FANCD2: variants seen among roughly 807,000 people sequenced by gnomAD.
FANCD2 encodes the protein Fanconi anemia group D2 protein.
Under a neutral mutation model 192.3 loss-of-function variants are expected in FANCD2, and 131 were observed. The ratio of observed to expected loss-of-function variants is 0.68; its 90% confidence interval spans 0.59 to 0.79. The LOEUF is 0.79. FANCD2 is among the 30% of genes least tolerant of loss of function. The pLI is 0.00. For missense variants in FANCD2, 1,508 were observed against 1,701.6 expected (o/e 0.89, Z 2.00); for synonymous variants, 524 against 612.5 (o/e 0.86, Z 2.13).
At chr3:10,053,659 G>A (rs1293707298) in intron 18 of FANCD2, among the ~76,000 whole-genome samples, 1 of 150,100 alleles carries the variant, frequency 6.7e-6, no homozygotes, top group African/African-American at 2.4e-5. Flanking sequence ...ATTTCCTAGT[G>A]TGTAGTAGTG....
chr3:10,097,515 A>G (rs1011179408), intron 42 of FANCD2, among the ~76,000 whole-genome samples: 2 of 152,228 alleles, frequency 1.3e-5, no homozygotes, highest in South Asian at 4.1e-4. Flanking sequence ...AGGAAGAGAA[A>G]CATGGTTCTG....
chr3:10,037,182 A>G (rs923180483), intron 7 of FANCD2, among the ~76,000 whole-genome samples: 2 of 152,166 alleles, frequency 1.3e-5, no homozygotes, highest in Non-Finnish European at 2.9e-5. Context: ...AGAAAAGTAG[A>G]CAAAGGTCAT....
intron 32 of FANCD2, among the ~76,000 whole-genome samples, chr3:10,082,659 C>T (rs1693915704): frequency 6.6e-6 from 1 of 152,108 alleles, no homozygotes. Context: ...TCTTCTTGAT[C>T]CCCAGCTTTT....
intron 11 of FANCD2, among the ~76,000 whole-genome samples, 189 bp from the exon 12 acceptor site, chr3:10,042,861 T>G (rs1210989225): frequency 6.6e-6 from 1 of 152,196 alleles, no homozygotes; most frequent in Non-Finnish European, 1.5e-5. Context: ...CTCACAGAAT[T>G]CTGAAATTTT....
At chr3:10,048,164 C>G in intron 16 of FANCD2, 113 bp downstream of exon 16, 1 of 1,371,356 alleles carries the variant, frequency 7.3e-7, no homozygotes, top group Non-Finnish European at 1.0e-6. Context: ...TGACCTGGGT[C>G]TCAAGAAAGC....
In FANCD2 at chr3:10,032,911, T is replaced by A. The variant is rs750534583; in HGVS notation, c.144T>A (p.Phe48Leu). The A allele has an allele frequency of 5.6e-6, 9 of 1,602,526 alleles. No homozygotes were observed. In the East Asian group the frequency reaches 1.8e-4, roughly 32 times the overall value. The change falls in exon 3 of 44, where the codon TTT (phenylalanine) becomes TTA (leucine). Residue 48 changes from phenylalanine (F) to leucine (L), a missense_variant. Transcript: ENST00000675286. ...ANEVEENDSI[F>L]VKLLKISGII... ...AAGTTGAAGAAAATGACAGCATCTT[T>A]GTAAAGCTTCTTAAGATATCAGGAA... is the stretch of plus-strand genomic sequence containing the variant.
intron 36 of FANCD2, among the ~76,000 whole-genome samples, chr3:10,090,075 A>G (rs1444002252): frequency 6.6e-6 from 1 of 152,126 alleles, no homozygotes; most frequent in African/African-American, 2.4e-5. Context: ...ATACTACCAT[A>G]ACACCTCCTT....
In FANCD2 at chr3:10,049,481, G is replaced by A; in HGVS notation, c.1521G>A (p.Met507Ile). The A allele has an allele frequency of 1.9e-6, 3 of 1,601,404 alleles. No individual in the cohort carries two copies. Among genetic ancestry groups the A allele is most frequent in the Non-Finnish European group, 2.6e-6 (3 of 1,170,064 alleles). ...LELVVLNPSA[M>I]MMNAVFVKGI... The stretch of plus-strand genomic sequence containing the variant: ...TGGTAGTGTTAAACCCATCTGCTAT[G>A]ATGATGAATGCTGTCTTTGTAAAGG... The change falls in exon 17 of 44, where the codon ATG becomes ATA. Residue 507 changes from methionine to isoleucine, a missense_variant. Met to Ile is a conservative substitution (Grantham distance 10). Transcript: ENST00000675286.
chr3:10,043,189 T>C (rs778662654), intron 12 of FANCD2, 39 bp downstream of exon 12: 8 of 1,498,204 alleles, frequency 5.3e-6, no homozygotes, highest in Non-Finnish European at 6.5e-6. Flanking sequence ...CACAATTTTC[T>C]GACATCCCAC....
At chr3:10,066,885 C>T (rs2087735151) in intron 25 of FANCD2, among the ~76,000 whole-genome samples, 2 of 152,064 alleles carry the variant, frequency 1.3e-5, no homozygotes, top group Admixed American at 1.3e-4. Flanking sequence ...CCACCATGCC[C>T]AGCTAATTTT....
At chr3:10,062,735 A>C (rs1575788445) in intron 20 of FANCD2, among the ~76,000 whole-genome samples, 2 of 151,862 alleles carry the variant, frequency 1.3e-5, no homozygotes, top group African/African-American at 2.4e-5. Flanking sequence ...TTTTAGATGG[A>C]GTCTCAACTC....
At chr3:10,070,432 T>C (rs1223601101) in intron 26 of FANCD2, among the ~76,000 whole-genome samples, 2 of 95,876 alleles carry the variant, frequency 2.1e-5, no homozygotes, top group Non-Finnish European at 4.3e-5. Context: ...GAGGGGCGCC[T>C]CTGCCCAGCC....
chr3:10,079,448 G>GGC (rs1693708848), intron 30 of FANCD2, among the ~76,000 whole-genome samples: 1 of 152,004 alleles, frequency 6.6e-6, no homozygotes, highest in Admixed American at 6.6e-5. Flanking sequence ...GGGGACTACA[G>GGC]GCGCGCGCCA....
At chr3:10,026,775 G>C (rs1251678756) in intron 1 of FANCD2, 1 of 152,204 alleles carries the variant, frequency 6.6e-6, no homozygotes, top group Non-Finnish European at 1.5e-5. Flanking sequence ...AAAGGCGGGT[G>C]CCTGGAAGCC....
intron 7 of FANCD2, chr3:10,037,609 C>G (rs951771122): frequency 8.6e-5 from 13 of 151,962 alleles, no homozygotes; most frequent in African/African-American, 3.1e-4. Context: ...TTAGCATGGC[C>G]CTTTTGCAAG....
chr3:10,090,145 TC>T, intron 36 of FANCD2, 146 bp from the exon 37 acceptor site: 1 of 660,692 alleles, frequency 1.5e-6, no homozygotes, highest in Non-Finnish European at 2.8e-6. Context: ...CTGAGTCCTT[TC>T]CGCTCCCCCA....
Position 10,035,169 on chromosome 3 carries a change from A to G in FANCD2, c.378-4A>G, listed in dbSNP as rs75087355. The G allele has an allele frequency of 5.9e-5, 95 of 1,605,564 alleles. No homozygotes were observed. In the South Asian group the frequency reaches 9.8e-4, roughly 17 times the overall value. ...TGGAAAACAGATTTCTTTTTTTTTT[A>G]CAGTATGGGTGCATCTTATTCTAAG... On this transcript the variant is annotated splice_region_variant and splice_polypyrimidine_tract_variant and intron_variant, in intron 5 of 43. Transcript: ENST00000675286.
At chr3:10,054,335 G>A (rs1373416521) in intron 18 of FANCD2, among the ~76,000 whole-genome samples, 7 of 118,244 alleles carry the variant, frequency 5.9e-5, no homozygotes, top group African/African-American at 2.4e-4. Context: ...TGAACAACCA[G>A]CATATATATA....
chr3:10,038,073 C>A (rs1393890515), intron 7 of FANCD2, among the ~76,000 whole-genome samples: 1 of 152,210 alleles, frequency 6.6e-6, no homozygotes, highest in Non-Finnish European at 1.5e-5. Context: ...TCACTGCAAC[C>A]TCTGCCTCCT....
Sources: allele counts gnomAD v4.1 joint callset (sites outside exome capture counted in the v4.1 genomes callset), GRCh38; gene constraint gnomAD v4.1.1; transcripts MANE v1.5; gene names NCBI Gene and HGNC (gene_info 2026-07-23, HGNC 2026-07-21).